The following PRKG1 variants were observed in gnomAD, a reference collection of about 807,000 sequenced individuals.
The protein encoded by PRKG1 is protein kinase cGMP-dependent 1, also known as cGMP-dependent protein kinase 1.
PRKG1 carries 35 observed loss-of-function variants against 88.1 expected under a neutral mutation model. The observed-to-expected ratio is 0.40, with a 90% CI of 0.30 to 0.53. PRKG1 has a LOEUF of 0.53. Among genes scored for constraint, PRKG1 ranks in the 20% least tolerant of loss-of-function variants. PRKG1 has a pLI of 0.59. For synonymous variants in PRKG1, 303 were observed against 292.5 expected, an observed-to-expected ratio of 1.04 and a Z score of -0.37; for missense variants, 540 against 839.8, an observed-to-expected ratio of 0.64 and a Z score of 4.41.
chr10:52,079,603 G>A lies in PRKG1; in HGVS notation c.935+16972G>A, dbSNP rs182353162. Reference sequence around the variant, plus strand: ...GCAGTTGTGTGTATCCTAGAGGCAAGGTTCACTGTTTAACTGGGGTGGGAG... The same window carrying A: ...GCAGTTGTGTGTATCCTAGAGGCAAAGTTCACTGTTTAACTGGGGTGGGAG... On this transcript the variant is annotated intron_variant, in intron 7 of 17. Transcript: ENST00000373980. Among the ~76,000 whole-genome samples the A allele has an allele frequency of 3.3e-5, 5 of 152,214 alleles. No individual in the cohort carries two copies. In the East Asian group the frequency reaches 7.8e-4, roughly 24 times the overall value.
At chr10:51,376,500 G>A (rs1842819838) in intron 2 of PRKG1, among the ~76,000 whole-genome samples, 1 of 152,074 alleles carries the variant, frequency 6.6e-6, no homozygotes, top group African/African-American at 2.4e-5. Context: ...GAAAAAAATT[G>A]GATGCTGTTA....
chr10:51,172,420 A>AT (rs1202135378), intron 2 of PRKG1, among the ~76,000 whole-genome samples: 1 of 152,054 alleles, frequency 6.6e-6, no homozygotes. Context: ...ACAATAAAGT[A>AT]TTTTTTAGTA....
intron 3 of PRKG1, among the ~76,000 whole-genome samples, chr10:51,781,646 C>G (rs1389100013): frequency 6.6e-6 from 1 of 152,050 alleles, no homozygotes; most frequent in East Asian, 1.9e-4. Flanking sequence ...CTTTAGAAAA[C>G]AAGAGCTAGT....
chr10:51,491,763 G>C (rs755656771), intron 3 of PRKG1, among the ~76,000 whole-genome samples: 1 of 152,110 alleles, frequency 6.6e-6, no homozygotes, highest in Non-Finnish European at 1.5e-5. Context: ...AACTGCAAAA[G>C]TGACAGCATG....
intron 5 of PRKG1, among the ~76,000 whole-genome samples, chr10:51,928,435 C>T (rs186634813): frequency 6.6e-6 from 1 of 152,178 alleles, no homozygotes; most frequent in Non-Finnish European, 1.5e-5. Flanking sequence ...GATGCTAATG[C>T]TGGCTGTACC....
intron 3 of PRKG1, among the ~76,000 whole-genome samples, chr10:51,600,953 T>C (rs1230545461): frequency 7.7e-6 from 1 of 129,492 alleles, no homozygotes; most frequent in Non-Finnish European, 1.5e-5. Flanking sequence ...AAGATGAAGA[T>C]GAAGAAGGAG....
At chr10:51,628,744 G>A (rs1008758150) in intron 3 of PRKG1, among the ~76,000 whole-genome samples, 4 of 151,610 alleles carry the variant, frequency 2.6e-5, no homozygotes, top group African/African-American at 4.8e-5. Flanking sequence ...TGGATCATGA[G>A]GTCAGGAGAT....
At chr10:52,098,697 A>T (rs955252087) in intron 7 of PRKG1, among the ~76,000 whole-genome samples, 2 of 152,228 alleles carry the variant, frequency 1.3e-5, no homozygotes, top group African/African-American at 2.4e-5. Flanking sequence ...GTGAAAATAC[A>T]TAGGAGAGTG....
chr10:51,942,307 T>A (rs1428701920), intron 5 of PRKG1, among the ~76,000 whole-genome samples: 1 of 152,062 alleles, frequency 6.6e-6, no homozygotes, highest in African/African-American at 2.4e-5. Flanking sequence ...TTGTTTGTTT[T>A]TTTCTTGTAA....
At chr10:51,605,042 A>T (rs1196212075) in intron 3 of PRKG1, among the ~76,000 whole-genome samples, 1 of 152,174 alleles carries the variant, frequency 6.6e-6, no homozygotes, top group Non-Finnish European at 1.5e-5. Flanking sequence ...GGGAGCCAGA[A>T]GAGGGGATGG....
At chr10:51,855,746 A>G (rs1212917298) in intron 4 of PRKG1, among the ~76,000 whole-genome samples, 1 of 152,232 alleles carries the variant, frequency 6.6e-6, no homozygotes, top group East Asian at 1.9e-4. Context: ...ACTAAAACAT[A>G]GACCATCAAC....
At chr10:51,955,329 G>A (rs572050338) in intron 5 of PRKG1, among the ~76,000 whole-genome samples, 62 of 152,154 alleles carry the variant, frequency 4.1e-4, no homozygotes, top group African/African-American at 1.4e-3. Flanking sequence ...AAGGTGCTCA[G>A]GATCATGGTT....
chr10:52,256,257 A>T (rs1242551393), intron 10 of PRKG1, among the ~76,000 whole-genome samples: 3 of 139,408 alleles, frequency 2.2e-5, no homozygotes, highest in African/African-American at 7.5e-5. Flanking sequence ...TCTAGAATAG[A>T]TGTAGTAATT....
chr10:51,942,153 G>A (rs372128238), intron 5 of PRKG1, among the ~76,000 whole-genome samples: 1 of 151,718 alleles, frequency 6.6e-6, no homozygotes, highest in African/African-American at 2.4e-5. Context: ...TCTAACTGGT[G>A]TGAGATGGTA....
intron 3 of PRKG1, among the ~76,000 whole-genome samples, chr10:51,531,744 G>T (rs1255399816): frequency 7.3e-6 from 1 of 137,124 alleles, no homozygotes; most frequent in South Asian, 2.4e-4. Flanking sequence ...TCCTGGGTTC[G>T]AGTGATTCTC....
intron 4 of PRKG1, among the ~76,000 whole-genome samples, chr10:51,829,860 T>G (rs1839961035): frequency 6.6e-6 from 1 of 152,210 alleles, no homozygotes; most frequent in African/African-American, 2.4e-5. Flanking sequence ...ACCACTGTCT[T>G]GTTCCAACAA....
At chr10:52,029,728 C>T (rs547585947) in intron 5 of PRKG1, among the ~76,000 whole-genome samples, 1 of 152,252 alleles carries the variant, frequency 6.6e-6, no homozygotes, top group Admixed American at 6.5e-5. Context: ...GGTATCAGAA[C>T]TCTTAAACCT....
chr10:51,538,166 A>C (rs1354358068), intron 3 of PRKG1, among the ~76,000 whole-genome samples: 1 of 152,096 alleles, frequency 6.6e-6, no homozygotes, highest in Non-Finnish European at 1.5e-5. Context: ...AACTGTTCAA[A>C]CAATAATGTG....
chr10:51,207,195 A>G (rs535066588), intron 2 of PRKG1, among the ~76,000 whole-genome samples: 1 of 152,342 alleles, frequency 6.6e-6, no homozygotes, highest in East Asian at 1.9e-4. Context: ...CATCATTAAT[A>G]TCTGCTTCCA....
Sources: gnomAD v4.1 joint callset for allele counts (sites outside exome capture counted in the v4.1 genomes callset) on GRCh38, gnomAD v4.1.1 for gene constraint, MANE v1.5 for transcripts, NCBI Gene and HGNC (gene_info 2026-07-23, HGNC 2026-07-21) for gene names.